The following FANCL variants were observed in gnomAD, a reference collection of about 807,000 sequenced individuals.
FANCL encodes E3 ubiquitin-protein ligase FANCL.
A neutral mutation model predicts 59.4 loss-of-function variants in FANCL; 69 were observed. The observed-to-expected ratio is 1.16, with a 90% CI of 0.96 to 1.42. The LOEUF is 1.42. Ranked by LOEUF, FANCL falls within the 40% of genes most tolerant of loss-of-function variation. The pLI is 0.00. For synonymous variants in FANCL, 180 were observed against 147.1 expected, an observed-to-expected ratio of 1.22 and a Z score of -1.62; for missense variants, 519 against 447.2, an observed-to-expected ratio of 1.16 and a Z score of -1.45.
At chr2:58,202,755 A>G (rs987649482) in intron 6 of FANCL, among the ~76,000 whole-genome samples, 8 of 151,918 alleles carry the variant, frequency 5.3e-5, no homozygotes, top group Admixed American at 4.6e-4. Context: ...GAATACTGCC[A>G]ATAAATGAAC....
Position 58,204,160 on chromosome 2 carries a change from C to A in FANCL, c.441G>T (p.Glu147Asp). Residue 147 changes from glutamate (E) to aspartate (D), a missense_variant, in exon 6 of 14, where the codon GAG becomes GAT. By Grantham distance (45) the Glu-to-Asp change is conservative. Transcript: ENST00000233741. Reference protein sequence around the residue: ...KLKAEDASGREHLITLKLKAK... With the variant: ...KLKAEDASGRDHLITLKLKAK... Reference sequence around the variant, plus strand: ...CCTTCAACTTGAGAGTGATTAAATGCTCTCTACCAGAAGCATCTTCTGCTT... The same window carrying A: ...CCTTCAACTTGAGAGTGATTAAATGATCTCTACCAGAAGCATCTTCTGCTT... 7 of 1,613,262 alleles carry A rather than the reference C, an allele frequency of 4.3e-6. No homozygotes were observed. The highest frequency in any genetic ancestry group is 5.9e-6 in the Non-Finnish European group (7 of 1,179,336).
intron 1 of FANCL, among the ~76,000 whole-genome samples, chr2:58,236,562 C>A (rs1694046450): frequency 6.7e-6 from 1 of 149,438 alleles, no homozygotes; most frequent in Non-Finnish European, 1.5e-5. Flanking sequence ...CAGAAAAATA[C>A]CAAAACAATT....
rs1687262931 is a variant in FANCL, at chr2:58,176,037, A to T, written c.541-10163T>A. Among the ~76,000 whole-genome samples the T allele has an allele frequency of 2.0e-5, 3 of 152,118 alleles. No homozygotes were observed. In the South Asian group the frequency reaches 6.2e-4, roughly 32 times the overall value. Reference sequence around the variant, plus strand: ...GTGAACTCCCATTCACAATTGCTTCAAAGAGAACAAAATACCTAGGAATCC... The same window carrying T: ...GTGAACTCCCATTCACAATTGCTTCTAAGAGAACAAAATACCTAGGAATCC... On this transcript the variant is annotated intron_variant, in intron 7 of 13. Transcript: ENST00000233741.
intron 5 of FANCL, among the ~76,000 whole-genome samples, chr2:58,216,118 T>C (rs1573747556): frequency 6.6e-6 from 1 of 152,184 alleles, no homozygotes; most frequent in Non-Finnish European, 1.5e-5. Flanking sequence ...GGTTAGAGTT[T>C]AGGATCTACC....
chr2:58,159,996 G>A (rs1684869864), intron 13 of FANCL, 112 bp downstream of exon 13: 1 of 1,554,116 alleles, frequency 6.4e-7, no homozygotes, highest in Non-Finnish European at 8.7e-7. Flanking sequence ...GAAATACAGA[G>A]AATGAGTTTC....
At position 58,238,046 on chromosome 2, in the gene FANCL, G is replaced by A. The variant is rs546159368; in HGVS notation, c.96+3172C>T. Among the ~76,000 whole-genome samples the A allele has an allele frequency of 2.0e-5, 3 of 152,300 alleles. No individual in the cohort carries two copies. In the East Asian group the frequency reaches 5.8e-4, roughly 29 times the overall value. On this transcript the variant is annotated intron_variant, in intron 1 of 13. Coordinates refer to ENST00000233741, the MANE Select transcript of FANCL (RefSeq NM_018062.4). ...CCTCATGGCCAATAGCTATGTGAAT[G>A]AGCAATCTTGGAAGCAAATCCTCCA...
chr2:58,178,961 A>G (rs550758172), intron 7 of FANCL, among the ~76,000 whole-genome samples: 1 of 152,336 alleles, frequency 6.6e-6, no homozygotes, highest in East Asian at 1.9e-4. Context: ...GAGACAAATT[A>G]TGAGTGAACT....
At chr2:58,187,414 G>A (rs1389746832) in intron 7 of FANCL, among the ~76,000 whole-genome samples, 4 of 147,770 alleles carry the variant, frequency 2.7e-5, no homozygotes. Context: ...GGGGCCTGTC[G>A]TGGGGTGGGG....
intron 2 of FANCL, among the ~76,000 whole-genome samples, chr2:58,231,729 A>G (rs1693598755): frequency 6.6e-6 from 1 of 152,210 alleles, no homozygotes; most frequent in Non-Finnish European, 1.5e-5. Flanking sequence ...ATATCAGTCA[A>G]AAGTTGGAAA....
intron 7 of FANCL, among the ~76,000 whole-genome samples, chr2:58,178,210 A>AGAG (rs1687557518): frequency 6.6e-6 from 1 of 151,444 alleles, no homozygotes. Flanking sequence ...AAACAGAAAA[A>AGAG]TGACTCCTCC....
chr2:58,196,490 TACAAA>T (rs1236702741), intron 7 of FANCL, among the ~76,000 whole-genome samples: 3 of 151,968 alleles, frequency 2.0e-5, no homozygotes, highest in African/African-American at 7.2e-5. Context: ...TTAGAGTTAC[TACAAA>T]ACAAAACTTG....
chr2:58,221,187 CAAA>C (rs879762449), intron 5 of FANCL, among the ~76,000 whole-genome samples: 2 of 136,858 alleles, frequency 1.5e-5, no homozygotes, highest in Non-Finnish European at 1.6e-5. Flanking sequence ...GACTCGGTCT[CAAA>C]AAAAAAAAAG....
chr2:58,200,246 C>A (rs776455775), intron 6 of FANCL, among the ~76,000 whole-genome samples: 48 of 152,074 alleles, frequency 3.2e-4, no homozygotes, highest in South Asian at 4.1e-4. Context: ...ATTTAAAAAT[C>A]GTGATTATCT....
chr2:58,161,707 G>T lies in FANCL; in HGVS notation c.904-69C>A. The stretch of plus-strand genomic sequence containing the variant: ...ACTTATTCGTTGTACATATTTGGGA[G>T]GGTATGTGTGATATTTTGATACATG... On this transcript the variant is annotated intron_variant, in intron 11 of 13. Transcript: ENST00000233741. The T allele has an allele frequency of 7.9e-6, 8 of 1,011,882 alleles. No homozygotes were observed. In the South Asian group the frequency reaches 9.2e-5, roughly 12 times the overall value. 62.7% of individuals were successfully genotyped at this position (1,011,882 alleles called of 1,614,324 possible).
Position 58,159,275 on chromosome 2 carries a change from TACAC to T in FANCL, c.*486_*489del. ...TGTATAACATTTTATTTAGCATTCT[TACAC>T]ACTACACAAAATAAATACTTGGATA... is the stretch of plus-strand genomic sequence containing the variant. On this transcript the variant is annotated 3_prime_UTR_variant, in exon 14 of 14. Transcript: ENST00000233741. 1 of 1,178,038 alleles carries T rather than the reference TACAC, an allele frequency of 8.5e-7. No homozygotes were observed. Among genetic ancestry groups the T allele is most frequent in the Non-Finnish European group, 1.2e-6 (1 of 830,796 alleles). 73.0% of individuals were successfully genotyped at this position (1,178,038 alleles called of 1,614,324 possible).
chr2:58,203,667 A>C (rs540151860), intron 6 of FANCL, among the ~76,000 whole-genome samples: 1 of 152,136 alleles, frequency 6.6e-6, no homozygotes, highest in South Asian at 2.1e-4. Context: ...ACCCCAGCCA[A>C]AGCAAACAAA....
intron 3 of FANCL, among the ~76,000 whole-genome samples, chr2:58,229,191 T>C (rs1285106246): frequency 6.6e-6 from 1 of 152,054 alleles, no homozygotes; most frequent in African/African-American, 2.4e-5. Flanking sequence ...AACACACAAA[T>C]GCATAAAGCA....
chr2:58,204,940 C>A (rs1464200559), intron 5 of FANCL, among the ~76,000 whole-genome samples: 2 of 152,028 alleles, frequency 1.3e-5, no homozygotes, highest in South Asian at 2.1e-4. Context: ...ATATATAATT[C>A]TGTAAAAATA....
chr2:58,159,869 A>C, intron 13 of FANCL, 69 bp from the exon 14 acceptor site: 7 of 1,598,550 alleles, frequency 4.4e-6, no homozygotes, highest in Non-Finnish European at 6.0e-6. Context: ...TTTGTACTAG[A>C]AATAGTGTCA....
Sources: allele counts gnomAD v4.1 joint callset (sites outside exome capture counted in the v4.1 genomes callset), GRCh38; gene constraint gnomAD v4.1.1; transcripts MANE v1.5; gene names NCBI Gene and HGNC (gene_info 2026-07-23, HGNC 2026-07-21).